SHISA9: variants seen among roughly 807,000 people sequenced by gnomAD.
SHISA9 encodes the protein protein shisa-9.
A neutral mutation model predicts 38.0 loss-of-function variants in SHISA9; 13 were observed. The observed-to-expected ratio is 0.34, with a 90% CI of 0.22 to 0.54. The LOEUF is 0.54. SHISA9 is among the 20% of genes least tolerant of loss of function. The pLI is 0.91. For synonymous variants in SHISA9, 275 were observed against 242.0 expected, an observed-to-expected ratio of 1.14 and a Z score of -1.27; for missense variants, 538 against 575.8, an observed-to-expected ratio of 0.93 and a Z score of 0.67.
chr16:13,536,248 C>T, the SHISA9 span, among the ~76,000 whole-genome samples: 27 of 152,168 alleles, frequency 1.8e-4, no homozygotes, highest in African/African-American at 5.8e-4. Flanking sequence ...CCGTCCGTGT[C>T]GGACTCCCAA....
intron 2 of SHISA9, among the ~76,000 whole-genome samples, chr16:13,123,952 T>C (rs911940870): frequency 3.3e-5 from 5 of 152,198 alleles, no homozygotes; most frequent in Admixed American, 3.3e-4. Context: ...TTAAAGTGCT[T>C]TGCACACAAC....
chr16:13,539,429 G>A, the SHISA9 span, among the ~76,000 whole-genome samples: 1 of 146,642 alleles, frequency 6.8e-6, no homozygotes, highest in East Asian at 2.1e-4. Context: ...TCCTGCTTTG[G>A]CCCTCCCAAA....
chr16:13,460,084 T>C, the SHISA9 span, among the ~76,000 whole-genome samples: 1 of 152,170 alleles, frequency 6.6e-6, no homozygotes, highest in African/African-American at 2.4e-5. Flanking sequence ...ATATGGTTAT[T>C]AGTATTATCC....
the SHISA9 span, among the ~76,000 whole-genome samples, chr16:13,516,797 C>CAAAA: frequency 0.013 from 1,866 of 144,310 alleles, 33 homozygotes; most frequent in African/African-American, 0.045. Flanking sequence ...GATTCCATCC[C>CAAAA]AAAAAAAAAA....
chr16:13,556,872 G>A, the SHISA9 span, among the ~76,000 whole-genome samples: 1 of 152,090 alleles, frequency 6.6e-6, no homozygotes, highest in Non-Finnish European at 1.5e-5. Flanking sequence ...GGTTTTATAA[G>A]TAATCTAGAG....
At chr16:13,163,183 T>C (rs1260981928) in intron 2 of SHISA9, among the ~76,000 whole-genome samples, 1 of 152,100 alleles carries the variant, frequency 6.6e-6, no homozygotes, top group Non-Finnish European at 1.5e-5. Context: ...AGGTTTACAC[T>C]AAAAAAGAAA....
chr16:13,445,076 G>A, the SHISA9 span, among the ~76,000 whole-genome samples: 1 of 148,222 alleles, frequency 6.7e-6, no homozygotes, highest in South Asian at 2.2e-4. Flanking sequence ...TGCCCAGGCT[G>A]GTCTCGAACT....
intron 2 of SHISA9, among the ~76,000 whole-genome samples, chr16:13,164,929 A>C (rs1226315529): frequency 6.6e-6 from 1 of 152,124 alleles, no homozygotes; most frequent in African/African-American, 2.4e-5. Context: ...TCTAGGTTGT[A>C]TTATTTCTGA....
At chr16:13,240,630 A>G (rs1184386563), downstream of SHISA9, among the ~76,000 whole-genome samples, 1 of 152,314 alleles carries the variant, frequency 6.6e-6, no homozygotes, top group East Asian at 1.9e-4. Context: ...TTTGTGTCAC[A>G]TCTCCTAGTT....
chr16:13,187,588 G>A (rs112276747), intron 2 of SHISA9, among the ~76,000 whole-genome samples: 2,162 of 152,098 alleles, frequency 0.014, 16 homozygotes, highest in Middle Eastern at 0.024. Context: ...ACCCACCCCT[G>A]CCTCCCAAAG....
At chr16:13,250,425 A>G in the SHISA9 span, among the ~76,000 whole-genome samples, 40 of 152,094 alleles carry the variant, frequency 2.6e-4, no homozygotes, top group African/African-American at 9.2e-4. Flanking sequence ...ACATGGGTAG[A>G]CTCCTAAGAG....
the SHISA9 span, among the ~76,000 whole-genome samples, chr16:13,308,512 A>T: frequency 6.6e-6 from 1 of 152,324 alleles, no homozygotes. Context: ...CCCCATGAGC[A>T]TGGGTCTCAG....
At chr16:13,004,651 G>A (rs7186756) in intron 2 of SHISA9, among the ~76,000 whole-genome samples, 54,054 of 151,840 alleles carry the variant, frequency 0.36, 10,155 homozygotes, top group African/African-American at 0.46. Context: ...TCTGCTAGGC[G>A]TGGTGGCTCA....
chr16:13,484,058 G>A, the SHISA9 span, among the ~76,000 whole-genome samples: 14 of 152,252 alleles, frequency 9.2e-5, no homozygotes, highest in Non-Finnish European at 1.6e-4. Context: ...GGCAGTCTTG[G>A]TAACTGAGCC....
the SHISA9 span, among the ~76,000 whole-genome samples, chr16:13,351,239 C>T: frequency 2.0e-5 from 3 of 152,114 alleles, no homozygotes; most frequent in Admixed American, 6.5e-5. Flanking sequence ...CTGCCTGTCA[C>T]GAACCGCTTG....
chr16:13,266,524 A>C, the SHISA9 span, among the ~76,000 whole-genome samples: 1 of 152,144 alleles, frequency 6.6e-6, no homozygotes, highest in Non-Finnish European at 1.5e-5. Context: ...TGGTTCAAGC[A>C]TGCAAGCAGC....
chr16:13,068,410 C>A (rs1159089783), intron 2 of SHISA9, among the ~76,000 whole-genome samples: 2 of 152,178 alleles, frequency 1.3e-5, no homozygotes, highest in Non-Finnish European at 2.9e-5. Context: ...TGTGTGAACA[C>A]CCACACAGAC....
At chr16:12,990,189 C>A (rs1368512538) in intron 2 of SHISA9, among the ~76,000 whole-genome samples, 2 of 152,302 alleles carry the variant, frequency 1.3e-5, no homozygotes, top group Non-Finnish European at 1.5e-5. Flanking sequence ...CATTGATGGG[C>A]ATTTGGGTTG....
rs775784108 is a variant in SHISA9 at position 12,913,334 on chromosome 16, T to C, written c.564-3354T>C. Among the ~76,000 whole-genome samples the C allele has an allele frequency of 2.6e-4, 39 of 152,186 alleles. No individual in the cohort carries two copies. In the Middle Eastern group the frequency reaches 0.014, roughly 53 times the overall value. Reference sequence around the variant, plus strand: ...GCCCCAGCCTCCTGAGTAGCCGGGATTACAGGTGCCCACCACCACGCCCAG... The same window carrying C: ...GCCCCAGCCTCCTGAGTAGCCGGGACTACAGGTGCCCACCACCACGCCCAG... On this transcript the variant is annotated intron_variant, in intron 1 of 4. Coordinates refer to ENST00000558583, the MANE Select transcript of SHISA9 (RefSeq NM_001145204.3).
Sources: allele counts gnomAD v4.1 joint callset (sites outside exome capture counted in the v4.1 genomes callset), GRCh38; gene constraint gnomAD v4.1.1; transcripts MANE v1.5; gene names NCBI Gene and HGNC (gene_info 2026-07-23, HGNC 2026-07-21).